Variants in DNAH11 observed in about 807,000 individuals in gnomAD.
DNAH11 encodes axonemal beta dynein heavy chain 11.
A neutral mutation model predicts 526.0 loss-of-function variants in DNAH11; 442 were observed. That is an observed-to-expected ratio of 0.84 (90% CI 0.78 to 0.91). The LOEUF is 0.91. DNAH11 is among the 40% of genes least tolerant of loss of function. The probability of loss-of-function intolerance (pLI) is 0.00; values close to 1 mark genes in which losing one functional copy is unlikely to be tolerated. For synonymous variants in DNAH11, 2,461 were observed against 1,935.9 expected, an observed-to-expected ratio of 1.27 and a Z score of -7.12; for missense variants, 6,989 against 5,448.7, an observed-to-expected ratio of 1.28 and a Z score of -8.90.
At chr7:21,873,948 G>A (rs140845667) in intron 74 of DNAH11, among the ~76,000 whole-genome samples, 30 of 151,638 alleles carry the variant, frequency 2.0e-4, no homozygotes, top group East Asian at 5.9e-4. Context: ...ATACCACCAC[G>A]CCCGGCTAAT....
chr7:21,744,293 T>A, intron 49 of DNAH11, 145 bp from the exon 50 acceptor site: 1 of 956,264 alleles, frequency 1.0e-6, no homozygotes, highest in Non-Finnish European at 1.6e-6. Flanking sequence ...TAAACCTACT[T>A]TTATACACGA....
intron 55 of DNAH11, among the ~76,000 whole-genome samples, chr7:21,767,930 C>T (rs1426038996): frequency 6.6e-6 from 1 of 151,972 alleles, no homozygotes; most frequent in Non-Finnish European, 1.5e-5. Flanking sequence ...AAGGTGACCC[C>T]CTTTGGCCAC....
chr7:21,708,286 T>A (rs1241344308), intron 40 of DNAH11, among the ~76,000 whole-genome samples: 1 of 152,180 alleles, frequency 6.6e-6, no homozygotes, highest in East Asian at 1.9e-4. Context: ...TTACAGTAAA[T>A]GCGCTAACCT....
chr7:21,559,708 G>A lies in DNAH11; in HGVS notation c.798G>A (p.Leu266=), dbSNP rs1583480795. The part of the protein sequence containing the change: ...EIIERDSVQR[L]LNGLHLSPQA... ...TAGAAAGAGATTCAGTGCAGCGTTTGTTGAATGGTCTTCACTTGTCTCCTC... is the reference window on the plus strand; with the variant it reads ...TAGAAAGAGATTCAGTGCAGCGTTTATTGAATGGTCTTCACTTGTCTCCTC... The change falls in exon 4 of 82, where the codon TTG becomes TTA. Residue 266 remains leucine (L), a synonymous_variant. Coordinates refer to ENST00000409508, the MANE Select transcript of DNAH11 (RefSeq NM_001277115.2). 4.3e-6 allele frequency: 7 copies of A among 1,610,568 alleles called. No individual in the cohort carries two copies. Among genetic ancestry groups the A allele is most frequent in the Non-Finnish European group, 5.9e-6 (7 of 1,178,302 alleles).
intron 66 of DNAH11, among the ~76,000 whole-genome samples, chr7:21,850,534 TAACTCCCAG>T (rs2128022656): frequency 2.0e-5 from 3 of 146,366 alleles, no homozygotes; most frequent in Non-Finnish European, 4.4e-5. Context: ...TAGTTATTTT[TAACTCCCAG>T]TTTGATAATT....
At chr7:21,599,297 G>A (rs1378645557) in intron 14 of DNAH11, among the ~76,000 whole-genome samples, 2 of 152,098 alleles carry the variant, frequency 1.3e-5, no homozygotes, top group African/African-American at 4.8e-5. Context: ...AATAGAATAG[G>A]TACATTGTGA....
intron 18 of DNAH11, among the ~76,000 whole-genome samples, chr7:21,602,608 T>G (rs896602597): frequency 2.0e-5 from 3 of 151,472 alleles, no homozygotes; most frequent in African/African-American, 7.3e-5. Context: ...TGTACACACA[T>G]GTACTTGAAT....
chr7:21,647,724 C>A (rs1310915058), intron 28 of DNAH11, among the ~76,000 whole-genome samples: 1 of 151,988 alleles, frequency 6.6e-6, no homozygotes, highest in African/African-American at 2.4e-5. Context: ...AGCCACTGCA[C>A]CTGGCCTACA....
At chr7:21,840,935 A>G (rs891549122) in intron 65 of DNAH11, among the ~76,000 whole-genome samples, 2 of 152,184 alleles carry the variant, frequency 1.3e-5, no homozygotes, top group Non-Finnish European at 2.9e-5. Context: ...TAATCCTAGC[A>G]CTTTGGAAGG....
chr7:21,856,611 A>G (rs971550519), intron 68 of DNAH11, among the ~76,000 whole-genome samples: 4 of 152,222 alleles, frequency 2.6e-5, no homozygotes, highest in Non-Finnish European at 4.4e-5. Flanking sequence ...GAATCCAACC[A>G]TATATAAAAA....
Position 21,710,662 on chromosome 7 carries a change from A to T in DNAH11, c.6793A>T (p.Met2265Leu), listed in dbSNP as rs368383022. The T allele has an allele frequency of 1.2e-6, 2 of 1,613,224 alleles. No individual in the cohort carries two copies. The highest frequency in any genetic ancestry group is 8.5e-7 in the Non-Finnish European group (1 of 1,179,556). The change falls in exon 41 of 82, where the codon ATG (methionine) becomes TTG (leucine). Residue 2265 changes from methionine (M) to leucine (L), a missense_variant. Met to Leu is a conservative substitution (Grantham distance 15, BLOSUM62 2). Transcript: ENST00000409508. ...AGTCCTGGATGGCGATATTGACCCC[A>T]TGTGGATTGAATCACTGAATACTGT... ...WIVLDGDIDPMWIESLNTVMD... is the reference protein window; with the variant it reads ...WIVLDGDIDPLWIESLNTVMD...
At chr7:21,572,525 A>G (rs1230353033) in intron 8 of DNAH11, among the ~76,000 whole-genome samples, 1 of 152,226 alleles carries the variant, frequency 6.6e-6, no homozygotes, top group African/African-American at 2.4e-5. Context: ...CCAGGGAGCT[A>G]CCTGTGAGCA....
At chr7:21,705,634 C>CA in intron 39 of DNAH11, 97 bp downstream of exon 39, 1 of 1,139,426 alleles carries the variant, frequency 8.8e-7, no homozygotes, top group South Asian at 1.4e-5. Flanking sequence ...GAATTCCCCT[C>CA]CATGAAGCCC....
intron 47 of DNAH11, among the ~76,000 whole-genome samples, chr7:21,739,225 C>A (rs1438557237): frequency 1.3e-5 from 2 of 152,166 alleles, no homozygotes; most frequent in African/African-American, 4.8e-5. Flanking sequence ...GCACTGTAGT[C>A]TGCAATCCCT....
Position 21,867,882 on chromosome 7 carries a change from G to C in DNAH11, c.11714G>C (p.Gly3905Ala), listed in dbSNP as rs767288107. 1.3e-5 allele frequency: 21 copies of C among 1,577,570 alleles called. No homozygotes were observed. In the Admixed American group the frequency reaches 3.1e-4, roughly 23 times the overall value. The stretch of plus-strand genomic sequence containing the variant: ...AGAAATTTTGTAGAGGAAAAACTGG[G>C]TGCGAAGTATGTGGAGAGGACCAGA... ...ALRNFVEEKL[G>A]AKYVERTRLD... The change falls in exon 72 of 82, where the codon GGT (glycine) becomes GCT (alanine). Residue 3905 changes from glycine to alanine, a missense_variant. By Grantham distance (60) the Gly-to-Ala change is moderately conservative (BLOSUM62 0). Transcript: ENST00000409508.
chr7:21,652,482 G>A (rs534745702), intron 28 of DNAH11, among the ~76,000 whole-genome samples: 1 of 152,326 alleles, frequency 6.6e-6, no homozygotes, highest in East Asian at 1.9e-4. Flanking sequence ...TATAACTTAA[G>A]TTTTCTGCAA....
At chr7:21,673,427 A>T (rs745514344) in intron 30 of DNAH11, among the ~76,000 whole-genome samples, 1 of 152,224 alleles carries the variant, frequency 6.6e-6, no homozygotes, top group Non-Finnish European at 1.5e-5. Context: ...CCTGTCAGTC[A>T]GTGCTTTTAT....
At chr7:21,630,298 T>C (rs2128457735) in intron 25 of DNAH11, among the ~76,000 whole-genome samples, 1 of 152,302 alleles carries the variant, frequency 6.6e-6, no homozygotes, top group Non-Finnish European at 1.5e-5. Flanking sequence ...GTAGCTATTG[T>C]TTTTGATAGA....
At chr7:21,702,613 C>G in intron 36 of DNAH11, 97 bp from the exon 37 acceptor site, 1 of 929,386 alleles carries the variant, frequency 1.1e-6, no homozygotes, top group Non-Finnish European at 1.7e-6. Context: ...GTGTATTTAT[C>G]TGAACTCCTT....
Sources: gnomAD v4.1 joint callset for allele counts (sites outside exome capture counted in the v4.1 genomes callset) on GRCh38, gnomAD v4.1.1 for gene constraint, MANE v1.5 for transcripts, NCBI Gene and HGNC (gene_info 2026-07-23, HGNC 2026-07-21) for gene names.